Variants in PIK3CB observed in about 807,000 individuals in gnomAD.
PIK3CB encodes phosphatidylinositol 4,5-bisphosphate 3-kinase catalytic subunit beta isoform.
PIK3CB carries 39 observed loss-of-function variants against 136.8 expected under a neutral mutation model. The ratio of observed to expected loss-of-function variants is 0.29; its 90% CI spans 0.22 to 0.37. PIK3CB has a LOEUF of 0.37. Among genes scored for constraint, PIK3CB ranks in the 10% least tolerant of loss-of-function variants. PIK3CB has a pLI of 1.00. For missense variants in PIK3CB, 868 were observed against 1,275.4 expected (o/e 0.68, Z 4.87); for synonymous variants, 428 against 436.6 (o/e 0.98, Z 0.25).
At chr3:138,757,146 C>T (rs1486010677) in intron 3 of PIK3CB, among the ~76,000 whole-genome samples, 1 of 152,094 alleles carries the variant, frequency 6.6e-6, no homozygotes, top group Non-Finnish European at 1.5e-5. Flanking sequence ...TGGCTCACAC[C>T]TGTAATCCCA....
intron 14 of PIK3CB, 111 bp from the exon 15 acceptor site, chr3:138,691,254 G>A (rs2044001763): frequency 2.1e-5 from 21 of 976,842 alleles, no homozygotes; most frequent in Admixed American, 6.9e-5. Flanking sequence ...GTTCTTTTGG[G>A]CCAGGCTTGT....
intron 23 of PIK3CB, 120 bp downstream of exon 23, chr3:138,656,022 A>C: frequency 1.0e-6 from 1 of 1,004,530 alleles, no homozygotes; most frequent in Non-Finnish European, 1.5e-6. Flanking sequence ...CTCCTGGCTA[A>C]GAACCATCTT....
rs375478826 is a variant in PIK3CB at position 138,828,217 on chromosome 3, G to A, written c.-122+6478C>T. On this transcript the variant is annotated intron_variant, in intron 1 of 23. Transcript: ENST00000674063. ...TTTTTTTTTTTTGAGATGGAGTCTC[G>A]CTCTATCGCCCAGGCTGGAGTGCAA... is the stretch of plus-strand genomic sequence containing the variant. Among the ~76,000 whole-genome samples the A allele has an allele frequency of 3.4e-4, 42 of 124,058 alleles. No homozygotes were observed. The East Asian group carries it at 8.6e-3, about 25-fold the overall frequency. The allele number at this position is 124,058 out of a possible 152,430, so 81.4% of individuals were successfully genotyped here.
intron 8 of PIK3CB, among the ~76,000 whole-genome samples, chr3:138,718,536 A>C (rs1013040713): frequency 6.6e-6 from 1 of 152,036 alleles, no homozygotes; most frequent in African/African-American, 2.4e-5. Flanking sequence ...CCCACTTGTC[A>C]ATTTTTGCTT....
intron 22 of PIK3CB, among the ~76,000 whole-genome samples, chr3:138,656,710 C>T (rs1453544175): frequency 6.6e-6 from 1 of 152,082 alleles, no homozygotes; most frequent in East Asian, 1.9e-4. Context: ...AGTGCTTTTG[C>T]TCCTTCCTGT....
At chr3:138,756,058 C>T in intron 3 of PIK3CB, 79 bp from the exon 4 acceptor site, 1 of 624,448 alleles carries the variant, frequency 1.6e-6, no homozygotes, top group Non-Finnish European at 2.7e-6. Flanking sequence ...CTCACTGCAG[C>T]ACTGTTTGTA....
Position 138,747,778 on chromosome 3 carries a change from C to CA in PIK3CB, c.398-4998dup, listed in dbSNP as rs755667761. On this transcript the variant is annotated intron_variant, in intron 4 of 23. Transcript: ENST00000674063. ...AGTTTTTTCAAATTGTCACAAATCT[C>CA]AAAAAAAGTTTCAATATACGTATTA... Among the ~76,000 whole-genome samples, 4 of 152,010 alleles carry CA rather than the reference C, an allele frequency of 2.6e-5. No individual in the cohort carries two copies. The East Asian group carries it at 5.8e-4, about 22-fold the overall frequency.
At chr3:138,766,482 C>T (rs1265859537) in intron 2 of PIK3CB, among the ~76,000 whole-genome samples, 1 of 152,028 alleles carries the variant, frequency 6.6e-6, no homozygotes, top group Non-Finnish European at 1.5e-5. Context: ...CTTTCTTGTG[C>T]CATCTTTAGG....
intron 2 of PIK3CB, chr3:138,778,256 A>G (rs1576408214): frequency 2.4e-6 from 1 of 416,094 alleles, no homozygotes; most frequent in Admixed American, 2.8e-5. Context: ...AACACCTCGC[A>G]ATTCCCAGCA....
chr3:138,665,891 A>G (rs1377143378), intron 19 of PIK3CB, among the ~76,000 whole-genome samples: 2 of 152,162 alleles, frequency 1.3e-5, no homozygotes, highest in South Asian at 4.2e-4. Flanking sequence ...TACGACATCA[A>G]TGGGTTTTCA....
At chr3:138,699,171 T>A in intron 12 of PIK3CB, 76 bp from the exon 13 acceptor site, 5 of 429,030 alleles carry the variant, frequency 1.2e-5, no homozygotes, top group African/African-American at 2.1e-5. Context: ...TTTATATATA[T>A]TTATATATAA....
chr3:138,727,953 G>C (rs925432535), intron 8 of PIK3CB, among the ~76,000 whole-genome samples: 10 of 151,954 alleles, frequency 6.6e-5, no homozygotes, highest in African/African-American at 2.4e-4. Flanking sequence ...CGCCTCCCAG[G>C]TTTCAGTGTT....
intron 21 of PIK3CB, among the ~76,000 whole-genome samples, chr3:138,662,013 C>T (rs978844871): frequency 3.9e-4 from 60 of 152,020 alleles, no homozygotes; most frequent in African/African-American, 1.4e-3. Flanking sequence ...ACTCACACGA[C>T]TGTTCTCCCT....
At chr3:138,834,304 A>T (rs1934172362) in intron 1 of PIK3CB, among the ~76,000 whole-genome samples, 1 of 152,252 alleles carries the variant, frequency 6.6e-6, no homozygotes. Flanking sequence ...CTGCGCAAAA[A>T]GGCACCTGAG....
Position 138,682,050 on chromosome 3 carries a change from G to A in PIK3CB, c.2426-5C>T, listed in dbSNP as rs1315447591. 3.1e-6 allele frequency: 5 copies of A among 1,599,396 alleles called. No individual in the cohort carries two copies. The highest frequency in any genetic ancestry group is 1.7e-5 in the Admixed American group (1 of 59,082). On this transcript the variant is annotated splice_polypyrimidine_tract_variant and splice_region_variant and intron_variant, in intron 18 of 23. Coordinates refer to ENST00000674063, the MANE Select transcript of PIK3CB (RefSeq NM_006219.3). ...TCAACATATCCTGTCGTAAATCTAA[G>A]GGAAAACAAACTGCTTCATTACAAG...
intron 8 of PIK3CB, among the ~76,000 whole-genome samples, chr3:138,732,311 T>A (rs960294590): frequency 3.3e-5 from 5 of 152,124 alleles, no homozygotes; most frequent in African/African-American, 1.2e-4. Context: ...ACCTTCAAAT[T>A]ATTTCTCTCA....
intron 15 of PIK3CB, among the ~76,000 whole-genome samples, chr3:138,690,543 A>G (rs2043986112): frequency 6.6e-6 from 1 of 152,144 alleles, no homozygotes; most frequent in Non-Finnish European, 1.5e-5. Context: ...TGCTGTCATT[A>G]TAGTATACCT....
chr3:138,763,650 G>C lies in PIK3CB; in HGVS notation c.-16-4291C>G, dbSNP rs115801605. Among the ~76,000 whole-genome samples the C allele has an allele frequency of 7.1e-3, 1,074 of 152,266 alleles. 12 individuals carry two copies. Among genetic ancestry groups the C allele is most frequent in the African/African-American group, 0.025 (1,026 of 41,542 alleles). On this transcript the variant is annotated intron_variant, in intron 2 of 23. Transcript: ENST00000674063. Reference sequence around the variant, plus strand: ...AAACTCTGGGATCTCACCCTTACCAGACAGCTGGAAATGGTAAGGCATCTG... The same window carrying C: ...AAACTCTGGGATCTCACCCTTACCACACAGCTGGAAATGGTAAGGCATCTG...
At chr3:138,665,725 C>A (rs376897148) in intron 19 of PIK3CB, among the ~76,000 whole-genome samples, 3 of 151,922 alleles carry the variant, frequency 2.0e-5, no homozygotes, top group African/African-American at 7.3e-5. Context: ...TGTGCCACCA[C>A]GCCGGGCTAA....
Sources: allele counts gnomAD v4.1 joint callset (sites outside exome capture counted in the v4.1 genomes callset), GRCh38; gene constraint gnomAD v4.1.1; transcripts MANE v1.5; gene names NCBI Gene and HGNC (gene_info 2026-07-23, HGNC 2026-07-21).